The following EPB41L3 variants were observed in gnomAD, a reference collection of about 807,000 sequenced individuals.
The protein encoded by EPB41L3 is erythrocyte membrane protein band 4.1 like 3, also known as band 4.1-like protein 3.
A neutral mutation model predicts 127.1 loss-of-function variants in EPB41L3; 57 were observed. The ratio of observed to expected loss-of-function variants is 0.45; its 90% CI spans 0.36 to 0.56. The LOEUF (loss-of-function observed/expected upper bound fraction) is 0.56, where lower values mean the gene tolerates loss of function less well. Ranked by LOEUF, EPB41L3 falls within the 20% of genes least tolerant of loss-of-function variation. The pLI, the probability that EPB41L3 is intolerant of heterozygous loss-of-function variation, is 0.00. For synonymous variants in EPB41L3, 572 were observed against 549.5 expected (o/e 1.04, Z -0.57); for missense variants, 1,273 against 1,372.2 (o/e 0.93, Z 1.14).
chr18:5,478,203 A>C (rs772017641), intron 3 of EPB41L3, 38 bp downstream of exon 3: 1 of 1,575,574 alleles, frequency 6.3e-7, no homozygotes, highest in Non-Finnish European at 8.7e-7. Flanking sequence ...CCCAGCTCTC[A>C]ATATCTAGGA....
intron 22 of EPB41L3, chr18:5,394,387 G>GT (rs1198240877): frequency 1.8e-5 from 5 of 282,930 alleles, no homozygotes; most frequent in Non-Finnish European, 3.3e-5. Flanking sequence ...TAATCAAAGA[G>GT]TGCAGGCCAT....
chr18:5,476,471 C>T (rs2087245469), intron 3 of EPB41L3, among the ~76,000 whole-genome samples: 1 of 152,174 alleles, frequency 6.6e-6, no homozygotes, highest in African/African-American at 2.4e-5. Context: ...TAAATTAAAT[C>T]TGACAAAATG....
At chr18:5,609,673 C>T (rs2144003007) in intron 3 of EPB41L3, among the ~76,000 whole-genome samples, 1 of 152,254 alleles carries the variant, frequency 6.6e-6, no homozygotes, top group Non-Finnish European at 1.5e-5. Context: ...TTCCAATGGA[C>T]TTATATTAGA....
chr18:5,410,289 A>G (rs1473804195), intron 14 of EPB41L3, among the ~76,000 whole-genome samples: 1 of 152,156 alleles, frequency 6.6e-6, no homozygotes, highest in African/African-American at 2.4e-5. Flanking sequence ...TGCAGAGTCA[A>G]TATCGCCTGG....
At chr18:5,481,236 T>G (rs943218955) in intron 2 of EPB41L3, among the ~76,000 whole-genome samples, 4 of 152,114 alleles carry the variant, frequency 2.6e-5, no homozygotes, top group Admixed American at 2.0e-4. Flanking sequence ...CTGGTTTCCC[T>G]CCTCCCATCC....
At chr18:5,407,859 C>A in intron 14 of EPB41L3, 123 bp from the exon 15 acceptor site, 1 of 808,040 alleles carries the variant, frequency 1.2e-6, no homozygotes, top group South Asian at 1.5e-5. Context: ...ATATGGATGC[C>A]ACTTCTTTCT....
chr18:5,536,646 A>G (rs995217958), intron 1 of EPB41L3, among the ~76,000 whole-genome samples: 4 of 148,002 alleles, frequency 2.7e-5, no homozygotes, highest in Non-Finnish European at 5.9e-5. Flanking sequence ...TCTACTAAAA[A>G]TTCAAAAAAA....
chr18:5,489,210 A>T lies in EPB41L3; in HGVS notation c.-11-16T>A. 3.2e-6 allele frequency: 5 copies of T among 1,583,498 alleles called. No homozygotes were observed. In the South Asian group the frequency reaches 5.7e-5, roughly 18 times the overall value. On this transcript the variant is annotated splice_polypyrimidine_tract_variant and intron_variant, in intron 1 of 22. Coordinates refer to ENST00000341928, the MANE Select transcript of EPB41L3 (RefSeq NM_012307.5). ...GTTGATTGTTCTGCAAGCAGAAAAA[A>T]GGGAAGAGCAGGTCACTCCGTGCCA...
intron 13 of EPB41L3, among the ~76,000 whole-genome samples, chr18:5,415,096 G>A (rs2076639219): frequency 6.6e-6 from 1 of 152,358 alleles, no homozygotes; most frequent in East Asian, 1.9e-4. Flanking sequence ...ATTTCAGCCT[G>A]CCTTTACATT....
intron 3 of EPB41L3, among the ~76,000 whole-genome samples, chr18:5,577,100 T>G (rs1325356354): frequency 6.6e-6 from 1 of 152,228 alleles, no homozygotes; most frequent in African/African-American, 2.4e-5. Flanking sequence ...TACTAAAAAC[T>G]GAAAAGCAGA....
chr18:5,561,080 C>T (rs1056864158), intron 3 of EPB41L3, among the ~76,000 whole-genome samples: 3 of 147,952 alleles, frequency 2.0e-5, no homozygotes, highest in Admixed American at 6.8e-5. Flanking sequence ...CAGGTTCACG[C>T]CATTCTCCTG....
intron 3 of EPB41L3, among the ~76,000 whole-genome samples, chr18:5,609,864 A>T (rs947542047): frequency 4.6e-5 from 7 of 152,110 alleles, no homozygotes; most frequent in Non-Finnish European, 7.4e-5. Context: ...ATGTGGTATA[A>T]ACCCAAAAAA....
intron 1 of EPB41L3, among the ~76,000 whole-genome samples, chr18:5,617,365 C>T (rs1000099817): frequency 1.1e-4 from 17 of 149,156 alleles, no homozygotes; most frequent in Admixed American, 6.7e-5. Context: ...GTCGCCCAGG[C>T]TGGAGTGCAG....
At chr18:5,511,750 T>A (rs972733312) in intron 1 of EPB41L3, among the ~76,000 whole-genome samples, 1 of 151,456 alleles carries the variant, frequency 6.6e-6, no homozygotes, top group Non-Finnish European at 1.5e-5. Context: ...TCCAGACGCA[T>A]ACAGACAGAG....
chr18:5,427,270 A>T (rs1354731817), intron 9 of EPB41L3, among the ~76,000 whole-genome samples: 1 of 152,208 alleles, frequency 6.6e-6, no homozygotes, highest in African/African-American at 2.4e-5. Context: ...GAAAATGTTC[A>T]GAGATATAAG....
chr18:5,596,217 T>C (rs1473659458), intron 3 of EPB41L3, among the ~76,000 whole-genome samples: 1 of 152,182 alleles, frequency 6.6e-6, no homozygotes, highest in Non-Finnish European at 1.5e-5. Context: ...TTCCTAGCGA[T>C]CACATCAGAG....
chr18:5,586,565 A>ATTTTTTTTTT (rs10669405), intron 3 of EPB41L3, among the ~76,000 whole-genome samples: 1 of 125,996 alleles, frequency 7.9e-6, no homozygotes, highest in Non-Finnish European at 1.6e-5. Flanking sequence ...ATACATGACT[A>ATTTTTTTTTT]TTTTTTTTTT....
At chr18:5,498,311 C>T (rs773976774) in intron 1 of EPB41L3, among the ~76,000 whole-genome samples, 4 of 152,104 alleles carry the variant, frequency 2.6e-5, no homozygotes, top group South Asian at 2.1e-4. Flanking sequence ...GGAGTTCAGA[C>T]GGCTGGGCGC....
chr18:5,529,762 A>T (rs762921415), intron 1 of EPB41L3, among the ~76,000 whole-genome samples: 46 of 151,862 alleles, frequency 3.0e-4, no homozygotes, highest in Admixed American at 6.6e-4. Flanking sequence ...TATGGCTTTC[A>T]TTACCTTCCT....
Sources: gnomAD v4.1 joint callset for allele counts (sites outside exome capture counted in the v4.1 genomes callset) on GRCh38, gnomAD v4.1.1 for gene constraint, MANE v1.5 for transcripts, NCBI Gene and HGNC (gene_info 2026-07-23, HGNC 2026-07-21) for gene names.